TSC22D2: variants seen among roughly 807,000 people sequenced by gnomAD.
TSC22D2 encodes the protein TSC22 domain family protein 2.
Under a neutral mutation model 50.1 loss-of-function variants are expected in TSC22D2, and 5 were observed. The ratio of observed to expected loss-of-function variants is 0.10; its 90% CI spans 0.05 to 0.21. The LOEUF (loss-of-function observed/expected upper bound fraction) is 0.21, where lower values mean the gene tolerates loss of function less well. Ranked by LOEUF, TSC22D2 falls within the 10% of genes least tolerant of loss-of-function variation. The probability of loss-of-function intolerance (pLI) is 1.00; values close to 1 mark genes in which losing one functional copy is unlikely to be tolerated. For synonymous variants in TSC22D2, 501 were observed against 450.1 expected (o/e 1.11, Z -1.43); for missense variants, 1,003 against 1,015.5 (o/e 0.99, Z 0.17).
rs1219024581 is a variant in TSC22D2 at position 150,463,344 on chromosome 3, T to G, written c.*4708T>G. 6.6e-6 allele frequency: 1 copy of G among 152,224 alleles called. No individual in the cohort carries two copies. Among genetic ancestry groups the G allele is most frequent in the Non-Finnish European group, 1.5e-5 (1 of 68,050 alleles). 9.4% of individuals were successfully genotyped at this position (152,224 alleles called of 1,614,324 possible). ...CATAGGTCAGTCCTGCAGGCTTCTTTTTTCTAAGTCTCCTGCCTATCCAAA... is the reference window on the plus strand; with the variant it reads ...CATAGGTCAGTCCTGCAGGCTTCTTGTTTCTAAGTCTCCTGCCTATCCAAA... On this transcript the variant is annotated 3_prime_UTR_variant, in exon 3 of 3. Coordinates refer to ENST00000688009, the MANE Select transcript of TSC22D2 (RefSeq NM_001303264.2).
intron 1 of TSC22D2, among the ~76,000 whole-genome samples, chr3:150,441,801 T>TA (rs1223204230): frequency 9.2e-5 from 14 of 152,134 alleles, no homozygotes; most frequent in Admixed American, 3.9e-4. Context: ...GCTGTCTTCT[T>TA]ACATTCTTCA....
chr3:150,465,840 A>G lies in TSC22D2; in HGVS notation c.*7204A>G, dbSNP rs1721527240. ...CAGTGTATCCACAATGTATACACTC[A>G]TTATATACCCATTTTATAATGCCCA... On this transcript the variant is annotated 3_prime_UTR_variant, in exon 3 of 3. Transcript: ENST00000688009. 1 of 152,214 alleles carries G rather than the reference A, an allele frequency of 6.6e-6. No individual in the cohort carries two copies. Among genetic ancestry groups the G allele is most frequent in the South Asian group, 2.1e-4 (1 of 4,834 alleles). The allele number at this position is 152,214 out of a possible 1,614,324, so 9.4% of individuals were successfully genotyped here.
chr3:150,410,704 T>C lies in TSC22D2; in HGVS notation c.1354T>C (p.Cys452Arg), dbSNP rs747932616. 4 of 1,576,728 alleles carry C rather than the reference T, an allele frequency of 2.5e-6. No individual in the cohort carries two copies. The highest frequency in any genetic ancestry group is 4.7e-5 in the East Asian group (2 of 42,506). ...AGCGCAAGGCGGGCAGGTCGCGCCT[T>C]GTCAGCCGACTGGAGTGCCCCCGGC... Reference protein sequence around the residue: ...GPAQGGQVAPCQPTGVPPATV... With the variant: ...GPAQGGQVAPRQPTGVPPATV... Residue 452 changes from cysteine (C) to arginine (R), a missense_variant, in exon 1 of 3, where the codon TGT (cysteine) becomes CGT (arginine). By Grantham distance (180) the Cys-to-Arg change is radical. Transcript: ENST00000688009.
chr3:150,426,144 C>G (rs186762318), intron 1 of TSC22D2, among the ~76,000 whole-genome samples: 2 of 152,246 alleles, frequency 1.3e-5, no homozygotes, highest in Admixed American at 6.5e-5. Flanking sequence ...ATACTGATAA[C>G]GCAAAAATAA....
In TSC22D2 at chr3:150,410,836, C is replaced by T; in HGVS notation, c.1486C>T (p.Pro496Ser). The T allele has an allele frequency of 6.2e-7, 1 of 1,613,756 alleles. No homozygotes were observed. Among genetic ancestry groups the T allele is most frequent in the Non-Finnish European group, 8.5e-7 (1 of 1,180,020 alleles). ...TGGCAGTGGTCCGCTGTCAGCCGTA[C>T]CTGGTGGCCCTCACGCCGTGGTGCC... The part of the protein sequence containing the change: ...MGGSGPLSAV[P>S]GGPHAVVPGV... Residue 496 changes from proline to serine, a missense_variant, in exon 1 of 3, where the codon CCT becomes TCT. This residue lies in a region of TSC22D2 where 696 missense variants were observed against 647.8 expected (regional missense o/e 1.07). Transcript: ENST00000688009.
At position 150,463,633 on chromosome 3, in the gene TSC22D2, G is replaced by A. The variant is rs543147349; in HGVS notation, c.*4997G>A. On this transcript the variant is annotated 3_prime_UTR_variant, in exon 3 of 3. Coordinates refer to ENST00000688009, the MANE Select transcript of TSC22D2 (RefSeq NM_001303264.2). ...AAGTGCTACTGTAACTATATCTTTTGTGGAGTACAATTGGTATGACATGCT... is the reference window on the plus strand; with the variant it reads ...AAGTGCTACTGTAACTATATCTTTTATGGAGTACAATTGGTATGACATGCT... 1.3e-5 allele frequency: 2 copies of A among 152,186 alleles called. No homozygotes were observed. Among genetic ancestry groups the A allele is most frequent in the African/African-American group, 4.8e-5 (2 of 41,542 alleles). The allele number at this position is 152,186 out of a possible 1,614,324, so 9.4% of individuals were successfully genotyped here. A position where few individuals can be genotyped will look rare whatever the true frequency, so the allele number is the denominator to read the frequency against.
chr3:150,458,396 G>T lies in TSC22D2; in HGVS notation c.2031G>T (p.Leu677Phe). ...EQAMDLVKSH[L>F]MYAVREEVEV... The stretch of plus-strand genomic sequence containing the variant: ...CACAGGATCTGGTGAAAAGCCATTT[G>T]ATGTATGCAGTAAGAGAAGAAGTGG... The change falls in exon 3 of 3, where the codon TTG becomes TTT. Residue 677 changes from leucine to phenylalanine, a missense_variant. Leu to Phe is a conservative substitution (Grantham distance 22). Around this residue, in one of 6 missense-constraint regions of TSC22D2, gnomAD observed 17 missense variants for 57.7 expected, o/e 0.29. Transcript: ENST00000688009. The T allele has an allele frequency of 6.2e-7, 1 of 1,613,688 alleles. No homozygotes were observed. Among genetic ancestry groups the T allele is most frequent in the South Asian group, 1.1e-5 (1 of 91,010 alleles).
rs1449247712 is a variant in TSC22D2 at position 150,409,095 on chromosome 3, A to G, written c.-256A>G. ...TTGAGGCGCCGCGGCTGCGAGAGCT[A>G]AAAAGGAAGGAGGAGCCGCCGCGGG... On this transcript the variant is annotated 5_prime_UTR_variant, in exon 1 of 3. Coordinates refer to ENST00000688009, the MANE Select transcript of TSC22D2 (RefSeq NM_001303264.2). This position sits in a 1 kb window ranked among gnomAD's most constrained non-coding sequence, Gnocchi z 7.4. 1 of 370,282 alleles carries G rather than the reference A, an allele frequency of 2.7e-6. No individual in the cohort carries two copies. Among genetic ancestry groups the G allele is most frequent in the Non-Finnish European group, 4.9e-6 (1 of 204,214 alleles). 22.9% of individuals were successfully genotyped at this position (370,282 alleles called of 1,614,324 possible). A position where few individuals can be genotyped will look rare whatever the true frequency, so the allele number is the denominator to read the frequency against.
intron 1 of TSC22D2, among the ~76,000 whole-genome samples, chr3:150,415,231 T>C (rs1348931245): frequency 6.6e-6 from 1 of 151,974 alleles, no homozygotes; most frequent in Non-Finnish European, 1.5e-5. Context: ...TCTGTAGGAG[T>C]GTGGCCTTTT....
Position 150,458,695 on chromosome 3 carries a change from G to A in TSC22D2, c.*59G>A. On this transcript the variant is annotated 3_prime_UTR_variant, in exon 3 of 3. Transcript: ENST00000688009. ...AAGCAATCTATCCTTGTGTGCCACT[G>A]GTGTTCTTTCCACTTTATACGAAAG... 1 of 1,590,654 alleles carries A rather than the reference G, an allele frequency of 6.3e-7. No homozygotes were observed. The highest frequency in any genetic ancestry group is 8.6e-7 in the Non-Finnish European group (1 of 1,168,466).
chr3:150,413,273 G>A (rs1719659300), intron 1 of TSC22D2, among the ~76,000 whole-genome samples: 2 of 152,186 alleles, frequency 1.3e-5, no homozygotes, highest in African/African-American at 2.4e-5. Context: ...AGATACTACT[G>A]TATCAGTGTT....
intron 1 of TSC22D2, among the ~76,000 whole-genome samples, chr3:150,453,893 C>G (rs911524062): frequency 6.6e-6 from 1 of 152,102 alleles, no homozygotes; most frequent in Non-Finnish European, 1.5e-5. Flanking sequence ...GGTAGTATTA[C>G]AATACTCAAA....
chr3:150,409,980 G>T lies in TSC22D2; in HGVS notation c.630G>T (p.Gln210His). Residue 210 changes from glutamine (Q) to histidine (H), a missense_variant, in exon 1 of 3, where the codon CAG (glutamine) becomes CAT (histidine). Around this residue, in one of 6 missense-constraint regions of TSC22D2, gnomAD observed 696 missense variants for 647.8 expected, o/e 1.07. Coordinates refer to ENST00000688009, the MANE Select transcript of TSC22D2 (RefSeq NM_001303264.2). The surrounding 1 kb of genome is among the most constrained non-coding windows in gnomAD (Gnocchi z 7.4). Reference protein sequence around the residue: ...DCIRHSSTFDQTAERDSGLGA... With the variant: ...DCIRHSSTFDHTAERDSGLGA... The stretch of plus-strand genomic sequence containing the variant: ...TTAGACACAGCAGTACTTTTGACCA[G>T]ACTGCGGAGCGGGACAGCGGCCTGG... 1 of 1,613,880 alleles carries T rather than the reference G, an allele frequency of 6.2e-7. No individual in the cohort carries two copies. Among genetic ancestry groups the T allele is most frequent in the South Asian group, 1.1e-5 (1 of 91,088 alleles).
chr3:150,408,583 C>G lies in TSC22D2; in HGVS notation c.-768C>G, dbSNP rs920651902. On this transcript the variant is annotated 5_prime_UTR_variant, in exon 1 of 3. Coordinates refer to ENST00000688009, the MANE Select transcript of TSC22D2 (RefSeq NM_001303264.2). ...GGAGGCCGAGACCGCCGTCGCCGCCCGCCCGCAGGGGTGGTTCCCCCTGTA... is the reference window on the plus strand; with the variant it reads ...GGAGGCCGAGACCGCCGTCGCCGCCGGCCCGCAGGGGTGGTTCCCCCTGTA... 3 of 152,536 alleles carry G rather than the reference C, an allele frequency of 2.0e-5. No homozygotes were observed. Among genetic ancestry groups the G allele is most frequent in the East Asian group, 1.9e-4 (1 of 5,156 alleles). 9.4% of individuals were successfully genotyped at this position (152,536 alleles called of 1,614,324 possible). A position where few individuals can be genotyped will look rare whatever the true frequency, so the allele number is the denominator to read the frequency against.
intron 1 of TSC22D2, among the ~76,000 whole-genome samples, chr3:150,454,053 G>A (rs1456744275): frequency 6.6e-6 from 1 of 152,170 alleles, no homozygotes; most frequent in Non-Finnish European, 1.5e-5. Flanking sequence ...TTCATATAGT[G>A]AGTATATGGA....
rs1017744196 is a variant in TSC22D2, at chr3:150,410,114, C to T, written c.764C>T (p.Ser255Leu). 10 of 1,612,542 alleles carry T rather than the reference C, an allele frequency of 6.2e-6. No individual in the cohort carries two copies. The African/African-American group carries it at 1.2e-4, about 19-fold the overall frequency. ...ACTGCTGTGTCACAGCTACCCCCGTCGGAGAAAATGAGCCAGCCCACTCCG... is the reference window on the plus strand; with the variant it reads ...ACTGCTGTGTCACAGCTACCCCCGTTGGAGAAAATGAGCCAGCCCACTCCG... The part of the protein sequence containing the change: ...SLTAVSQLPP[S>L]EKMSQPTPAQ... The change falls in exon 1 of 3, where the codon TCG (serine) becomes TTG (leucine). Residue 255 changes from serine (S) to leucine (L), a missense_variant. Transcript: ENST00000688009.
At chr3:150,453,295 T>C (rs1050115138) in intron 1 of TSC22D2, among the ~76,000 whole-genome samples, 12 of 152,260 alleles carry the variant, frequency 7.9e-5, no homozygotes, top group African/African-American at 2.9e-4. Context: ...AAATTATTGA[T>C]TCTGCTTCAG....
intron 1 of TSC22D2, among the ~76,000 whole-genome samples, chr3:150,417,038 A>G (rs1457960573): frequency 1.3e-5 from 2 of 152,226 alleles, no homozygotes; most frequent in Non-Finnish European, 2.9e-5. Flanking sequence ...AACTGAGTTA[A>G]TTTTATTAGT....
chr3:150,438,757 A>G (rs900207981), intron 1 of TSC22D2, among the ~76,000 whole-genome samples: 5 of 152,098 alleles, frequency 3.3e-5, no homozygotes, highest in Non-Finnish European at 7.4e-5. Context: ...ATACAGCTTA[A>G]TTTTATTGCT....
Sources: gnomAD v4.1 joint callset for allele counts (sites outside exome capture counted in the v4.1 genomes callset) on GRCh38, gnomAD v4.1.1 for gene constraint, gnomAD v4.1.1 regional missense constraint, Gnocchi (gnomAD v3.1) non-coding constraint, MANE v1.5 for transcripts, NCBI Gene and HGNC (gene_info 2026-07-23, HGNC 2026-07-21) for gene names.